Variants in DST observed in about 807,000 individuals in gnomAD.
DST encodes dystonin.
Under a neutral mutation model 875.2 loss-of-function variants are expected in DST, and 253 were observed. The observed-to-expected ratio is 0.29, with a 90% confidence interval of 0.26 to 0.32. The LOEUF (loss-of-function observed/expected upper bound fraction) is 0.32, where lower values mean the gene tolerates loss of function less well. DST is among the 10% of genes least tolerant of loss of function. DST has a pLI of 1.00. For synonymous variants in DST, 3,124 were observed against 3,197.1 expected, an observed-to-expected ratio of 0.98 and a Z score of 0.77; for missense variants, 8,287 against 9,111.6, an observed-to-expected ratio of 0.91 and a Z score of 3.68.
intron 4 of DST, among the ~76,000 whole-genome samples, chr6:56,752,455 A>G (rs1019959335): frequency 6.6e-6 from 1 of 152,150 alleles, no homozygotes; most frequent in Non-Finnish European, 1.5e-5. Flanking sequence ...TCATCCCCCA[A>G]CAAAGTTATC....
chr6:56,562,149 C>A lies in DST; in HGVS notation c.14057G>T (p.Trp4686Leu). 2 of 1,548,726 alleles carry A rather than the reference C, an allele frequency of 1.3e-6. No homozygotes were observed. The highest frequency in any genetic ancestry group is 1.7e-6 in the Non-Finnish European group (2 of 1,145,252). ...AAATTAATACTCACCTTTATTTGCC[C>A]AAAATTCCTCAGTATTTGTGGCTGT... ...EGTATNTEEF[W>L]ANKGLTSIKK... The change falls in exon 56 of 104, where the codon TGG (tryptophan) becomes TTG (leucine). Residue 4686 changes from tryptophan (W) to leucine (L), a missense_variant. This residue lies in a region of DST where 1,513 missense variants were observed against 1,677.8 expected (regional missense o/e 0.90). Transcript: ENST00000680361.
chr6:56,723,812 T>C (rs537260386), intron 5 of DST, among the ~76,000 whole-genome samples: 2 of 152,258 alleles, frequency 1.3e-5, no homozygotes, highest in Middle Eastern at 3.4e-3. Context: ...CCACAGAATT[T>C]TTCTCTTTTT....
intron 39 of DST, 61 bp from the exon 40 acceptor site, chr6:56,609,405 T>C (rs2098525743): frequency 5.7e-6 from 7 of 1,225,600 alleles, no homozygotes; most frequent in Non-Finnish European, 8.0e-6. Flanking sequence ...CGGAGTTTCA[T>C]GCAACTTAGG....
At chr6:56,546,637 T>C (rs1327910446) in intron 61 of DST, among the ~76,000 whole-genome samples, 2 of 151,912 alleles carry the variant, frequency 1.3e-5, no homozygotes, top group Admixed American at 6.6e-5. Context: ...CCAGACACTT[T>C]TCACTTAAAA....
In DST at chr6:56,813,290, C is replaced by T. The variant is rs374031966; in HGVS notation, c.625+38107G>A. The stretch of plus-strand genomic sequence containing the variant: ...AGGAGATATACCTAATGCTAAATGA[C>T]GAGTTAATGGGTGCAGCACACCAGC... On this transcript the variant is annotated intron_variant, in intron 4 of 103. Coordinates refer to ENST00000680361, the MANE Select transcript of DST (RefSeq NM_001374736.1). Among the ~76,000 whole-genome samples the T allele has an allele frequency of 4.7e-5, 7 of 147,514 alleles. No homozygotes were observed. The East Asian group carries it at 8.1e-4, about 17-fold the overall frequency.
chr6:56,695,324 A>G (rs2099257796), intron 9 of DST, among the ~76,000 whole-genome samples: 5 of 151,984 alleles, frequency 3.3e-5, no homozygotes, highest in Admixed American at 3.3e-4. Context: ...CAGAACCATG[A>G]TGATCCAAAT....
In DST at chr6:56,535,302, G is replaced by A; in HGVS notation, c.16771-10C>T. On this transcript the variant is annotated splice_polypyrimidine_tract_variant and intron_variant, in intron 62 of 103. Transcript: ENST00000680361. Reference sequence around the variant, plus strand: ...CTGCTCGCTGAGCCACCTGCAAAGTGCCAATTGTTTCCACTTATTTATTTG... The same window carrying A: ...CTGCTCGCTGAGCCACCTGCAAAGTACCAATTGTTTCCACTTATTTATTTG... 6.4e-7 allele frequency: 1 copy of A among 1,556,892 alleles called. No individual in the cohort carries two copies. Among genetic ancestry groups the A allele is most frequent in the Non-Finnish European group, 8.6e-7 (1 of 1,162,432 alleles).
intron 3 of DST, among the ~76,000 whole-genome samples, chr6:56,867,814 A>G (rs188750672): frequency 6.0e-4 from 92 of 152,180 alleles, no homozygotes; most frequent in Middle Eastern, 3.4e-3. Context: ...GTCTGGCGAC[A>G]GAGCGAGACT....
At chr6:56,485,617 T>G (rs2095534580) in intron 87 of DST, 146 bp from the exon 88 acceptor site, 2 of 820,410 alleles carry the variant, frequency 2.4e-6, no homozygotes, top group South Asian at 4.0e-5. Flanking sequence ...TTGCTCTTCT[T>G]AGGAAAAAGA....
chr6:56,926,629 G>A (rs1030369179), intron 2 of DST, among the ~76,000 whole-genome samples: 10 of 152,226 alleles, frequency 6.6e-5, no homozygotes, highest in Admixed American at 5.9e-4. Context: ...CAGGCAGCTA[G>A]CGATGAGTTC....
chr6:56,624,644 A>G lies in DST; in HGVS notation c.4831-16T>C, dbSNP rs2098717745. ...GGTCCATGAACTGCAAGTAAGGAAAAAAATAATAAAAGCATTACCTCCAGT... is the reference window on the plus strand; with the variant it reads ...GGTCCATGAACTGCAAGTAAGGAAAGAAATAATAAAAGCATTACCTCCAGT... On this transcript the variant is annotated splice_polypyrimidine_tract_variant and intron_variant, in intron 35 of 103. Transcript: ENST00000680361. 1 of 1,520,782 alleles carries G rather than the reference A, an allele frequency of 6.6e-7. No individual in the cohort carries two copies. The highest frequency in any genetic ancestry group is 9.1e-7 in the Non-Finnish European group (1 of 1,095,900). The allele number at this position is 1,520,782 out of a possible 1,614,324, so 94.2% of individuals were successfully genotyped here.
chr6:56,780,209 A>G (rs2099690023), intron 4 of DST, among the ~76,000 whole-genome samples: 1 of 151,980 alleles, frequency 6.6e-6, no homozygotes, highest in South Asian at 2.1e-4. Context: ...TCTTTATAGC[A>G]GCATGATTTA....
intron 92 of DST, 124 bp from the exon 93 acceptor site, chr6:56,474,126 G>T: frequency 2.4e-6 from 2 of 821,016 alleles, no homozygotes; most frequent in Non-Finnish European, 3.7e-6. Flanking sequence ...TAAATCATAT[G>T]CTTTATCTTT....
chr6:56,583,973 C>T (rs948127060), intron 49 of DST, among the ~76,000 whole-genome samples: 4 of 152,104 alleles, frequency 2.6e-5, no homozygotes, highest in African/African-American at 7.2e-5. Flanking sequence ...GGTACCAGTA[C>T]CATGCTGTTT....
intron 61 of DST, among the ~76,000 whole-genome samples, chr6:56,539,517 C>G (rs2097084835): frequency 6.6e-6 from 1 of 152,102 alleles, no homozygotes; most frequent in Non-Finnish European, 1.5e-5. Context: ...GAGAGCCTTT[C>G]CCCCTAATCT....
chr6:56,641,527 GC>G (rs1008908135), intron 17 of DST, among the ~76,000 whole-genome samples: 13 of 152,042 alleles, frequency 8.6e-5, no homozygotes, highest in African/African-American at 3.1e-4. Context: ...GGCAGAGGCT[GC>G]AGTGAGCCGA....
chr6:56,691,980 C>T (rs2099233607), intron 9 of DST, among the ~76,000 whole-genome samples: 1 of 152,172 alleles, frequency 6.6e-6, no homozygotes, highest in African/African-American at 2.4e-5. Context: ...TTTACAGTAT[C>T]CTATTATTTG....
At chr6:56,590,909 A>C (rs938114722) in intron 49 of DST, among the ~76,000 whole-genome samples, 19 of 152,230 alleles carry the variant, frequency 1.2e-4, no homozygotes, top group African/African-American at 3.6e-4. Context: ...CAGAGTTGTC[A>C]ATCTCAGGCA....
In DST at chr6:56,630,324, A is replaced by C; in HGVS notation, c.4202T>G (p.Leu1401Arg). The C allele has an allele frequency of 6.2e-7, 1 of 1,612,680 alleles. No individual in the cohort carries two copies. Residue 1401 changes from leucine (L) to arginine (R), a missense_variant, in exon 31 of 104, where the codon CTC becomes CGC. By Grantham distance (102) the Leu-to-Arg change is moderately radical (BLOSUM62 -2). Coordinates refer to ENST00000680361, the MANE Select transcript of DST (RefSeq NM_001374736.1). ...TTCTTCACACAGTTTAGTTTCATAG[A>C]GTTTTACGAGGGCTTCTGCAGCTTG... ...NTQAAEALVK[L>R]YETKLCEEEA...
Sources: gnomAD v4.1 joint callset for allele counts (sites outside exome capture counted in the v4.1 genomes callset) on GRCh38, gnomAD v4.1.1 for gene constraint, gnomAD v4.1.1 regional missense constraint, MANE v1.5 for transcripts, NCBI Gene and HGNC (gene_info 2026-07-23, HGNC 2026-07-21) for gene names.